The following CHN2 variants were observed in gnomAD, a reference collection of about 807,000 sequenced individuals.
CHN2 encodes beta-chimaerin.
Under a neutral mutation model 56.3 loss-of-function variants are expected in CHN2, and 35 were observed. That is an observed-to-expected ratio of 0.62 (90% confidence interval 0.47 to 0.82). The LOEUF (loss-of-function observed/expected upper bound fraction) is 0.82, where lower values mean the gene tolerates loss of function less well. CHN2 is among the 40% of genes least tolerant of loss of function. The pLI is 0.00. For synonymous variants in CHN2, 210 were observed against 212.8 expected (o/e 0.99, Z 0.12); for missense variants, 491 against 580.5 (o/e 0.85, Z 1.58).
intron 1 of CHN2, among the ~76,000 whole-genome samples, chr7:29,234,742 T>A (rs1225081877): frequency 6.6e-6 from 1 of 152,242 alleles, no homozygotes; most frequent in Admixed American, 6.5e-5. Context: ...GAGCCTTCTG[T>A]ACTCACCACT....
intron 2 of CHN2, among the ~76,000 whole-genome samples, chr7:29,158,356 A>G (rs1445067254): frequency 1.3e-5 from 2 of 152,220 alleles, no homozygotes; most frequent in Admixed American, 6.5e-5. Flanking sequence ...TGTAGAGCAG[A>G]TTAAATCAGA....
At chr7:29,463,040 C>G (rs75400719) in intron 6 of CHN2, among the ~76,000 whole-genome samples, 12,492 of 151,418 alleles carry the variant, frequency 0.083, 1,251 homozygotes, top group African/African-American at 0.24. Context: ...TTTAGAAAAC[C>G]CCGCATCCCC....
At chr7:29,155,100 A>G (rs1257358618) in intron 2 of CHN2, among the ~76,000 whole-genome samples, 2 of 152,130 alleles carry the variant, frequency 1.3e-5, no homozygotes, top group East Asian at 3.9e-4. Flanking sequence ...TGCCCCCATG[A>G]TTCAATTACC....
At chr7:29,434,462 G>A (rs569508649) in intron 6 of CHN2, among the ~76,000 whole-genome samples, 95 of 152,082 alleles carry the variant, frequency 6.2e-4, no homozygotes, top group Middle Eastern at 3.4e-3. Flanking sequence ...GAAGGCTCTA[G>A]GGGAGGATCT....
At chr7:29,151,583 T>C (rs1009987811) in intron 2 of CHN2, among the ~76,000 whole-genome samples, 6 of 152,200 alleles carry the variant, frequency 3.9e-5, no homozygotes, top group African/African-American at 1.4e-4. Context: ...CCAACACTTT[T>C]TATATATATC....
At chr7:29,480,408 G>C in intron 7 of CHN2, 52 bp downstream of exon 7, 1 of 1,546,768 alleles carries the variant, frequency 6.5e-7, no homozygotes, top group Non-Finnish European at 8.9e-7. Flanking sequence ...AGGTGGAAAG[G>C]TACAGTGTAT....
In CHN2 at chr7:29,378,097, C is replaced by G. The variant is rs77814968; in HGVS notation, c.144+10110C>G. On this transcript the variant is annotated intron_variant, in intron 3 of 12. Coordinates refer to ENST00000222792, the MANE Select transcript of CHN2 (RefSeq NM_004067.4). ...TGGTTCTCAGGGTTCCATGGCTTCT[C>G]AAAGACCAGGCTTAATGATGTTTCA... Among the ~76,000 whole-genome samples the G allele has an allele frequency of 3.7e-3, 559 of 152,350 alleles. 11 individuals are homozygous for G. In the East Asian group the frequency reaches 0.055, roughly 15 times the overall value.
At chr7:29,352,530 T>C (rs1797965490) in intron 1 of CHN2, among the ~76,000 whole-genome samples, 1 of 152,158 alleles carries the variant, frequency 6.6e-6, no homozygotes, top group African/African-American at 2.4e-5. Context: ...AAGACCAGCC[T>C]GGCCAACGCG....
chr7:29,290,844 C>T (rs1361297404), intron 1 of CHN2, among the ~76,000 whole-genome samples: 3 of 151,776 alleles, frequency 2.0e-5, no homozygotes, highest in African/African-American at 7.3e-5. Context: ...AGTTTTAGAG[C>T]GAGAGTGAAA....
intron 3 of CHN2, among the ~76,000 whole-genome samples, chr7:29,374,689 A>T (rs1372378708): frequency 2.6e-5 from 4 of 152,202 alleles, no homozygotes. Context: ...AAGACATAAG[A>T]TGAGGCAAAA....
At chr7:29,215,683 G>T in intron 1 of CHN2, among the ~76,000 whole-genome samples, 1 of 151,894 alleles carries the variant, frequency 6.6e-6, no homozygotes, top group East Asian at 1.9e-4. Context: ...TAGGTCTTTA[G>T]TGTGTGAGTA....
chr7:29,331,636 C>T (rs1245865149), intron 1 of CHN2, among the ~76,000 whole-genome samples: 1 of 152,132 alleles, frequency 6.6e-6, no homozygotes, highest in East Asian at 1.9e-4. Flanking sequence ...CAGACACTAC[C>T]CCTTGTCGGA....
chr7:29,266,927 A>G (rs1790194409), intron 1 of CHN2, among the ~76,000 whole-genome samples: 1 of 144,114 alleles, frequency 6.9e-6, no homozygotes, highest in Admixed American at 7.2e-5. Flanking sequence ...AGCACAGATG[A>G]AGTGCAATTG....
intron 2 of CHN2, among the ~76,000 whole-genome samples, chr7:29,175,116 C>T (rs1443312024): frequency 2.0e-5 from 3 of 151,892 alleles, no homozygotes; most frequent in Admixed American, 1.3e-4. Flanking sequence ...GAGTGCTTCC[C>T]CCATACTGTT....
intron 1 of CHN2, among the ~76,000 whole-genome samples, chr7:29,283,025 CAGT>C (rs1378236573): frequency 6.6e-6 from 1 of 152,112 alleles, no homozygotes; most frequent in African/African-American, 2.4e-5. Flanking sequence ...GACAGCTGGC[CAGT>C]AGGAGAGAAA....
At chr7:29,205,721 A>G (rs1189642382) in intron 1 of CHN2, among the ~76,000 whole-genome samples, 2 of 152,174 alleles carry the variant, frequency 1.3e-5, no homozygotes, top group Admixed American at 6.5e-5. Context: ...AAGCTCCAAT[A>G]TGCATCCTGC....
chr7:29,291,397 C>T (rs1792614120), intron 1 of CHN2, among the ~76,000 whole-genome samples: 2 of 152,080 alleles, frequency 1.3e-5, no homozygotes, highest in Admixed American at 1.3e-4. Context: ...TGGAGGGGTG[C>T]TCTCCTGCCC....
chr7:29,510,307 G>C (rs957013255), intron 12 of CHN2, among the ~76,000 whole-genome samples: 6 of 152,072 alleles, frequency 3.9e-5, no homozygotes, highest in Non-Finnish European at 7.4e-5. Flanking sequence ...CTGAAGGCTT[G>C]ATGGGTCTGT....
At chr7:29,404,627 C>T (rs1342825527) in intron 6 of CHN2, among the ~76,000 whole-genome samples, 1 of 151,868 alleles carries the variant, frequency 6.6e-6, no homozygotes, top group Non-Finnish European at 1.5e-5. Flanking sequence ...CACTTGGAAT[C>T]GTTATATGGA....
Sources: gnomAD v4.1 joint callset for allele counts (sites outside exome capture counted in the v4.1 genomes callset) on GRCh38, gnomAD v4.1.1 for gene constraint, MANE v1.5 for transcripts, NCBI Gene and HGNC (gene_info 2026-07-23, HGNC 2026-07-21) for gene names.